Variants in SPTLC1 observed in about 807,000 individuals in gnomAD.
SPTLC1 encodes the protein serine palmitoyltransferase long chain base subunit 1, also known as serine palmitoyltransferase 1.
A neutral mutation model predicts 68.9 loss-of-function variants in SPTLC1; 55 were observed. That is an observed-to-expected ratio of 0.80 (90% CI 0.64 to 1.00). The LOEUF (loss-of-function observed/expected upper bound fraction) is 1.00, where lower values mean the gene tolerates loss of function less well. Ranked by LOEUF, SPTLC1 falls within the 50% of genes least tolerant of loss-of-function variation. SPTLC1 has a pLI of 0.00. For missense variants in SPTLC1, 449 were observed against 573.1 expected (o/e 0.78, Z 2.21); for synonymous variants, 197 against 201.6 (o/e 0.98, Z 0.19).
Position 92,041,217 on chromosome 9 carries a change from G to A in SPTLC1, c.1137-2852C>T, listed in dbSNP as rs532740197. On this transcript the variant is annotated intron_variant, in intron 12 of 14. Coordinates refer to ENST00000262554, the MANE Select transcript of SPTLC1 (RefSeq NM_006415.4). The stretch of plus-strand genomic sequence containing the variant: ...TTCCCAAACTCAATCTCAGAGATGA[G>A]AGAAGTGAGAAATTAGAGAAAAATT... 3.3e-5 allele frequency among the ~76,000 whole-genome samples: 5 copies of A among 152,278 alleles called. No homozygotes were observed. The South Asian group carries it at 1.0e-3, about 32-fold the overall frequency.
In SPTLC1 at chr9:92,112,137, T is replaced by C. The variant is rs1836273101; in HGVS notation, c.165+318A>G. On this transcript the variant is annotated intron_variant, in intron 2 of 14. Transcript: ENST00000262554. ...CATACTTCAGAAATAGTTGTGCTAT[T>C]CTGCAGCAACTCACACAACACTTAT... is the stretch of plus-strand genomic sequence containing the variant. Among the ~76,000 whole-genome samples the C allele has an allele frequency of 4.6e-5, 7 of 152,332 alleles. No individual in the cohort carries two copies. The South Asian group carries it at 1.5e-3, about 32-fold the overall frequency.
chr9:92,079,025 C>T, intron 5 of SPTLC1: 1 of 964,580 alleles, frequency 1.0e-6, no homozygotes, highest in Non-Finnish European at 1.2e-6. Context: ...CACACTGTGT[C>T]ATTTTATAAG....
chr9:92,087,030 C>T (rs1404128784), intron 3 of SPTLC1, among the ~76,000 whole-genome samples: 3 of 147,550 alleles, frequency 2.0e-5, no homozygotes, highest in South Asian at 2.2e-4. Context: ...TCCAGTTGAT[C>T]GCATCAGCTC....
At chr9:92,037,830 C>T (rs1200253764) in intron 13 of SPTLC1, among the ~76,000 whole-genome samples, 4 of 152,184 alleles carry the variant, frequency 2.6e-5, no homozygotes, top group African/African-American at 9.7e-5. Context: ...CTGAGCTGTG[C>T]TGCGGGGACA....
At chr9:92,115,263 C>A (rs916061876) in intron 1 of SPTLC1, 51 bp downstream of exon 1, 1 of 1,593,156 alleles carries the variant, frequency 6.3e-7, no homozygotes, top group African/African-American at 1.3e-5. Context: ...CGTCCTCCCA[C>A]CCTCCCCGGG....
At chr9:92,039,256 T>C (rs1282888555) in intron 12 of SPTLC1, among the ~76,000 whole-genome samples, 2 of 152,222 alleles carry the variant, frequency 1.3e-5, no homozygotes, top group East Asian at 3.8e-4. Flanking sequence ...TTTACTTGGA[T>C]TAAAATTATT....
chr9:92,035,785 G>A (rs539164458), intron 13 of SPTLC1, among the ~76,000 whole-genome samples: 20 of 152,320 alleles, frequency 1.3e-4, no homozygotes, highest in African/African-American at 4.6e-4. Context: ...TAGGCTGCGA[G>A]GAAGAGATGG....
Position 92,067,297 on chromosome 9 carries a change from T to TCA in SPTLC1, c.560+667_560+668dup, listed in dbSNP as rs201733539. Among the ~76,000 whole-genome samples, 374 of 136,686 alleles carry TCA rather than the reference T, an allele frequency of 2.7e-3. 2 individuals carry two copies. Among genetic ancestry groups the TCA allele is most frequent in the African/African-American group, 8.7e-3 (264 of 30,442 alleles). 89.7% of individuals were successfully genotyped at this position (136,686 alleles called of 152,430 possible). On this transcript the variant is annotated intron_variant, in intron 6 of 14. Coordinates refer to ENST00000262554, the MANE Select transcript of SPTLC1 (RefSeq NM_006415.4). ...CGTGGTGACAAAGTGAGACTCCATC[T>TCA]CACACACAAAAAAAAAAAAAACAGA...
At chr9:92,062,669 T>C (rs1587933382) in intron 6 of SPTLC1, among the ~76,000 whole-genome samples, 1 of 152,106 alleles carries the variant, frequency 6.6e-6, no homozygotes, top group African/African-American at 2.4e-5. Flanking sequence ...AAATAATCCA[T>C]AGGTCAAAGG....
At chr9:92,053,854 T>C in intron 8 of SPTLC1, 1 of 673,738 alleles carries the variant, frequency 1.5e-6, no homozygotes, top group African/African-American at 2.0e-5. Flanking sequence ...GTTGCACACA[T>C]GGTAAATGTA....
At position 92,050,064 on chromosome 9, in the gene SPTLC1, T is replaced by C. The variant is rs139086093; in HGVS notation, c.784A>G (p.Lys262Glu). ...GTICPLPELVKLKYKYKARIF... is the reference protein window; with the variant it reads ...GTICPLPELVELKYKYKARIF... Reference sequence around the variant, plus strand: ...CTTGCTTTGTATTTGTATTTTAACTTAACCTAAGTGTTATATAAACGTTAA... The same window carrying C: ...CTTGCTTTGTATTTGTATTTTAACTCAACCTAAGTGTTATATAAACGTTAA... The change falls in exon 9 of 15, where the codon AAG (lysine) becomes GAG (glutamate). Residue 262 changes from lysine to glutamate, a missense_variant. By Grantham distance (56) the Lys-to-Glu change is moderately conservative (BLOSUM62 1). Around this residue, in one of 3 missense-constraint regions of SPTLC1, gnomAD observed 391 missense variants for 472.1 expected, o/e 0.83. Coordinates refer to ENST00000262554, the MANE Select transcript of SPTLC1 (RefSeq NM_006415.4). 60 of 1,593,112 alleles carry C rather than the reference T, an allele frequency of 3.8e-5. No individual in the cohort carries two copies. Among genetic ancestry groups the C allele is most frequent in the Non-Finnish European group, 4.8e-5 (56 of 1,160,850 alleles).
chr9:92,083,822 T>C (rs1048894381), intron 3 of SPTLC1, among the ~76,000 whole-genome samples: 2 of 152,196 alleles, frequency 1.3e-5, no homozygotes, highest in Non-Finnish European at 2.9e-5. Flanking sequence ...ATCTATAAAT[T>C]ACCTGGGGAA....
At chr9:92,049,828 A>G in intron 9 of SPTLC1, 132 bp downstream of exon 9, 4 of 737,816 alleles carry the variant, frequency 5.4e-6, no homozygotes, top group South Asian at 2.9e-5. Context: ...CTGAGGTGAC[A>G]GACACCAAAG....
chr9:92,108,390 T>C, intron 3 of SPTLC1: 2 of 320,292 alleles, frequency 6.2e-6, no homozygotes, highest in South Asian at 5.6e-5. Context: ...ATACAGTATC[T>C]AGAATTATGA....
intron 14 of SPTLC1, among the ~76,000 whole-genome samples, chr9:92,032,888 A>C (rs1301004425): frequency 1.3e-5 from 2 of 152,000 alleles, no homozygotes; most frequent in South Asian, 2.1e-4. Flanking sequence ...AAAAAAAAAA[A>C]AACCAAAAAC....
At chr9:92,033,121 C>T (rs945324496) in intron 14 of SPTLC1, among the ~76,000 whole-genome samples, 1 of 151,914 alleles carries the variant, frequency 6.6e-6, no homozygotes, top group South Asian at 2.1e-4. Context: ...CTGAAGGCCT[C>T]GGCCTACACC....
At chr9:92,062,897 C>T (rs1203443029) in intron 6 of SPTLC1, among the ~76,000 whole-genome samples, 1 of 152,154 alleles carries the variant, frequency 6.6e-6, no homozygotes, top group Non-Finnish European at 1.5e-5. Context: ...GAGGGCAATT[C>T]ATTGCACTAA....
chr9:92,085,147 T>C (rs1835064736), intron 3 of SPTLC1, among the ~76,000 whole-genome samples: 5 of 151,428 alleles, frequency 3.3e-5, no homozygotes, highest in African/African-American at 1.2e-4. Flanking sequence ...TCTTTATTAG[T>C]CTTGCTAGCG....
At position 92,031,874 on chromosome 9, in the gene SPTLC1, C is replaced by T. The variant is rs895927478; in HGVS notation, c.*591G>A. 1 of 164,070 alleles carries T rather than the reference C, an allele frequency of 6.1e-6. No individual in the cohort carries two copies. Among genetic ancestry groups the T allele is most frequent in the Non-Finnish European group, 1.3e-5 (1 of 75,782 alleles). The allele number at this position is 164,070 out of a possible 1,614,324, so 10.2% of individuals were successfully genotyped here. A position where few individuals can be genotyped will look rare whatever the true frequency, so the allele number is the denominator to read the frequency against. ...GTGTGACATCAATATTTAGTGTGTA[C>T]AAAAGTTCTAAGATTCAAATACAAT... On this transcript the variant is annotated 3_prime_UTR_variant, in exon 15 of 15. Transcript: ENST00000262554.
Sources: gnomAD v4.1 joint callset for allele counts (sites outside exome capture counted in the v4.1 genomes callset) on GRCh38, gnomAD v4.1.1 for gene constraint, gnomAD v4.1.1 regional missense constraint, MANE v1.5 for transcripts, NCBI Gene and HGNC (gene_info 2026-07-23, HGNC 2026-07-21) for gene names.